The following ANKS1B variants were observed in gnomAD, a reference collection of about 807,000 sequenced individuals.
The protein encoded by ANKS1B is ankyrin repeat and sterile alpha motif domain-containing protein 1B.
ANKS1B carries 36 observed loss-of-function variants against 148.3 expected under a neutral mutation model. The observed-to-expected ratio is 0.24, with a 90% CI of 0.19 to 0.32. The LOEUF is 0.32. Among genes scored for constraint, ANKS1B ranks in the 10% least tolerant of loss-of-function variants. ANKS1B has a pLI of 1.00. For missense variants in ANKS1B, 1,157 were observed against 1,542.6 expected, an observed-to-expected ratio of 0.75 and a Z score of 4.19; for synonymous variants, 542 against 560.8, an observed-to-expected ratio of 0.97 and a Z score of 0.47.
chr12:99,654,234 T>C (rs2098439337), intron 9 of ANKS1B, among the ~76,000 whole-genome samples: 1 of 152,186 alleles, frequency 6.6e-6, no homozygotes, highest in African/African-American at 2.4e-5. Flanking sequence ...GACGTGATGG[T>C]TTCTTAGACA....
chr12:98,768,651 G>A (rs1002518924), intron 25 of ANKS1B, among the ~76,000 whole-genome samples: 2 of 150,372 alleles, frequency 1.3e-5, no homozygotes, highest in South Asian at 2.1e-4. Context: ...GGAGAATGGC[G>A]TGAACCCGGG....
chr12:98,825,560 T>A (rs2099241869), intron 19 of ANKS1B, among the ~76,000 whole-genome samples: 1 of 152,216 alleles, frequency 6.6e-6, no homozygotes, highest in South Asian at 2.1e-4. Flanking sequence ...TTGAGAAGCC[T>A]TTGTTTTGTG....
At chr12:99,602,446 T>A (rs1227421078) in intron 9 of ANKS1B, among the ~76,000 whole-genome samples, 1 of 152,044 alleles carries the variant, frequency 6.6e-6, no homozygotes, top group Non-Finnish European at 1.5e-5. Flanking sequence ...AAACAAAAGG[T>A]AATGTTTGAA....
intron 15 of ANKS1B, among the ~76,000 whole-genome samples, chr12:99,088,524 G>A (rs970065982): frequency 6.6e-6 from 1 of 152,042 alleles, no homozygotes; most frequent in Admixed American, 6.6e-5. Flanking sequence ...TTAGCTTTAA[G>A]AAGTGATTAA....
At chr12:98,781,824 C>T (rs1391043951) in intron 23 of ANKS1B, among the ~76,000 whole-genome samples, 2 of 152,174 alleles carry the variant, frequency 1.3e-5, no homozygotes, top group African/African-American at 4.8e-5. Context: ...TGAAGCCCTC[C>T]AGGAGCAGTC....
chr12:99,855,905 G>A (rs529027570), intron 1 of ANKS1B, among the ~76,000 whole-genome samples: 2 of 152,188 alleles, frequency 1.3e-5, no homozygotes, highest in Admixed American at 1.3e-4. Flanking sequence ...CTGGGATACA[G>A]CAAAGGCAGT....
intron 1 of ANKS1B, among the ~76,000 whole-genome samples, chr12:99,902,008 A>C (rs1373884726): frequency 6.6e-6 from 1 of 152,250 alleles, no homozygotes; most frequent in Non-Finnish European, 1.5e-5. Context: ...TGAATAAGAT[A>C]GAAAAGGTCA....
intron 9 of ANKS1B, among the ~76,000 whole-genome samples, chr12:99,645,411 T>C (rs1366849954): frequency 6.6e-6 from 1 of 152,194 alleles, no homozygotes; most frequent in Admixed American, 6.5e-5. Context: ...TGTAGTAGTT[T>C]TGTTGTTGGG....
rs1006384018 is a variant in ANKS1B, at chr12:98,799,012, T to C, written c.3271-7A>G. 1.3e-6 allele frequency: 2 copies of C among 1,585,906 alleles called. No homozygotes were observed. Among genetic ancestry groups the C allele is most frequent in the South Asian group, 1.2e-5 (1 of 85,998 alleles). ...TCAGCATAGAACCTAAATACTAAAA[T>C]ACAAAAAAAATTCAATGATTTATGA... On this transcript the variant is annotated splice_region_variant and splice_polypyrimidine_tract_variant and intron_variant, in intron 21 of 26. Coordinates refer to ENST00000683438, the MANE Select transcript of ANKS1B (RefSeq NM_001352186.2).
intron 12 of ANKS1B, among the ~76,000 whole-genome samples, chr12:99,334,540 C>T: frequency 6.6e-6 from 1 of 151,996 alleles, no homozygotes; most frequent in Non-Finnish European, 1.5e-5. Context: ...TAAAAATATA[C>T]CATACACAAA....
At chr12:98,997,844 A>G (rs1187574189) in intron 17 of ANKS1B, among the ~76,000 whole-genome samples, 2 of 152,144 alleles carry the variant, frequency 1.3e-5, no homozygotes, top group East Asian at 3.8e-4. Flanking sequence ...GTAAATAATT[A>G]TTGTTAAGAT....
chr12:99,464,039 C>G (rs992127708), intron 10 of ANKS1B, among the ~76,000 whole-genome samples: 19 of 152,194 alleles, frequency 1.2e-4, no homozygotes, highest in Non-Finnish European at 4.4e-5. Flanking sequence ...GGGAGGCACC[C>G]CCCAGTAGGG....
At chr12:99,616,450 C>T (rs1252593165) in intron 9 of ANKS1B, among the ~76,000 whole-genome samples, 1 of 152,016 alleles carries the variant, frequency 6.6e-6, no homozygotes, top group Non-Finnish European at 1.5e-5. Flanking sequence ...GATATACAGA[C>T]CAATGGAACA....
At chr12:99,429,962 T>A (rs1481896766) in intron 11 of ANKS1B, among the ~76,000 whole-genome samples, 2 of 148,844 alleles carry the variant, frequency 1.3e-5, no homozygotes, top group African/African-American at 5.0e-5. Flanking sequence ...AGACTCCGTC[T>A]CAAAAAAAAT....
intron 10 of ANKS1B, among the ~76,000 whole-genome samples, chr12:99,476,315 C>A (rs1218227209): frequency 6.6e-6 from 1 of 152,144 alleles, no homozygotes; most frequent in Non-Finnish European, 1.5e-5. Context: ...ATTGCTTGAA[C>A]CTGGGAGGTG....
At chr12:99,096,562 G>A (rs2056205837) in intron 15 of ANKS1B, among the ~76,000 whole-genome samples, 1 of 152,136 alleles carries the variant, frequency 6.6e-6, no homozygotes, top group Non-Finnish European at 1.5e-5. Context: ...CCACTAAGAA[G>A]AGCTCTTTGA....
At chr12:98,895,301 G>T (rs1009906221) in intron 17 of ANKS1B, 24 of 985,122 alleles carry the variant, frequency 2.4e-5, no homozygotes, top group Admixed American at 6.2e-5. Context: ...TGGATATCTC[G>T]CTCCTCCGCC....
intron 8 of ANKS1B, among the ~76,000 whole-genome samples, chr12:99,670,783 T>C (rs556844827): frequency 1.5e-3 from 225 of 152,248 alleles, no homozygotes; most frequent in African/African-American, 5.3e-3. Flanking sequence ...ATAAGAATTC[T>C]GACAGAGAAA....
At chr12:99,091,010 A>T (rs1051433414) in intron 15 of ANKS1B, among the ~76,000 whole-genome samples, 1 of 152,078 alleles carries the variant, frequency 6.6e-6, no homozygotes, top group African/African-American at 2.4e-5. Context: ...ATTTAAACAT[A>T]TTCTGTCTAC....
Sources: gnomAD v4.1 joint callset for allele counts (sites outside exome capture counted in the v4.1 genomes callset) on GRCh38, gnomAD v4.1.1 for gene constraint, MANE v1.5 for transcripts, NCBI Gene and HGNC (gene_info 2026-07-23, HGNC 2026-07-21) for gene names.